SLC51A: variants seen among roughly 807,000 people sequenced by gnomAD.
SLC51A encodes the protein organic solute transporter subunit alpha.
SLC51A carries 22 observed loss-of-function variants against 34.8 expected under a neutral mutation model. The observed-to-expected ratio is 0.63, with a 90% CI of 0.45 to 0.90. The LOEUF is 0.90. SLC51A is among the 40% of genes least tolerant of loss of function. The pLI, the probability that SLC51A is intolerant of heterozygous loss-of-function variation, is 0.00. For synonymous variants in SLC51A, 181 were observed against 176.3 expected, an observed-to-expected ratio of 1.03 and a Z score of -0.21; for missense variants, 371 against 414.8, an observed-to-expected ratio of 0.89 and a Z score of 0.92.
chr3:196,218,678 G>A (rs574680798), intron 2 of SLC51A, among the ~76,000 whole-genome samples: 118 of 152,272 alleles, frequency 7.7e-4, no homozygotes, highest in African/African-American at 2.7e-3. Context: ...GCGTTTTGTC[G>A]CTCTGTTTCC....
chr3:196,219,747 C>T (rs116735912), intron 2 of SLC51A, among the ~76,000 whole-genome samples: 3,115 of 152,324 alleles, frequency 0.02, 42 homozygotes, highest in Non-Finnish European at 0.028. Flanking sequence ...CTGGAAGGTG[C>T]TACTGGCATC....
intron 7 of SLC51A, among the ~76,000 whole-genome samples, chr3:196,230,467 A>G (rs1227410398): frequency 6.7e-6 from 1 of 148,514 alleles, no homozygotes; most frequent in East Asian, 2.0e-4. Context: ...TTCTGCCTCC[A>G]TTATCTCGTT....
rs190705620 is a variant in SLC51A at position 196,219,956 on chromosome 3, T to G, written c.133+2020T>G. On this transcript the variant is annotated intron_variant, in intron 2 of 8. Transcript: ENST00000296327. Reference sequence around the variant, plus strand: ...CAAGGCTGTTCAGAACAGGCCATTCTGAGTCTGCTAGTCCAGCAAGCCTCG... The same window carrying G: ...CAAGGCTGTTCAGAACAGGCCATTCGGAGTCTGCTAGTCCAGCAAGCCTCG... 8.5e-5 allele frequency among the ~76,000 whole-genome samples: 13 copies of G among 152,392 alleles called. No homozygotes were observed. The South Asian group carries it at 1.2e-3, about 15-fold the overall frequency.
chr3:196,218,860 A>C (rs1380826411), intron 2 of SLC51A, among the ~76,000 whole-genome samples: 1 of 151,980 alleles, frequency 6.6e-6, no homozygotes, highest in African/African-American at 2.4e-5. Context: ...AAAAAAAAAA[A>C]AACATAGGTG....
intron 7 of SLC51A, among the ~76,000 whole-genome samples, chr3:196,230,495 TTC>T (rs1475606993): frequency 2.0e-5 from 3 of 151,100 alleles, no homozygotes; most frequent in Non-Finnish European, 4.4e-5. Flanking sequence ...CCCCTTGTGT[TTC>T]TGTGTGTCTT....
At chr3:196,227,205 T>C in intron 3 of SLC51A, 86 bp downstream of exon 3, 1 of 1,457,004 alleles carries the variant, frequency 6.9e-7, no homozygotes, top group Admixed American at 1.9e-5. Context: ...AGCACGTCAC[T>C]TCGGCAAAGA....
Position 196,228,338 on chromosome 3 carries a change from T to C in SLC51A, c.521+65T>C, listed in dbSNP as rs72611185. Reference sequence around the variant, plus strand: ...GCCTCTCCTGGACCCCTGGTCCCCTTCAAGGCTCTGGGAATTAGGCGTGAA... The same window carrying C: ...GCCTCTCCTGGACCCCTGGTCCCCTCCAAGGCTCTGGGAATTAGGCGTGAA... On this transcript the variant is annotated intron_variant, in intron 5 of 8. Transcript: ENST00000296327. This position sits in a 1 kb window ranked among gnomAD's most constrained non-coding sequence, Gnocchi z 4.9. The C allele has an allele frequency of 0.32, 494,236 of 1,539,062 alleles. 85,148 individuals carry two copies. The highest frequency in any genetic ancestry group is 0.77 in the East Asian group (34,067 of 44,142).
In SLC51A at chr3:196,230,949, T is replaced by G. The variant is rs1347268147; in HGVS notation, c.780+888T>G. 3.9e-5 allele frequency among the ~76,000 whole-genome samples: 6 copies of G among 152,360 alleles called. No homozygotes were observed. The East Asian group carries it at 1.2e-3, about 29-fold the overall frequency. On this transcript the variant is annotated intron_variant, in intron 7 of 8. Transcript: ENST00000296327. ...AGCTTTTTGGGGACACAATTTAACC[T>G]GTAACACGTGTGTTAGTTAACAAAC... is the stretch of plus-strand genomic sequence containing the variant.
Position 196,228,141 on chromosome 3 carries a change from T to C in SLC51A, c.389T>C (p.Leu130Pro). 6.2e-7 allele frequency: 1 copy of C among 1,614,138 alleles called. No homozygotes were observed. Among genetic ancestry groups the C allele is most frequent in the Non-Finnish European group, 8.5e-7 (1 of 1,179,992 alleles). ...TTTTATGCCGTGTGCTTTTACCTGC[T>C]GATGCTGGTCATGGTGGAAGGCTTT... ...TSFYAVCFYL[L>P]MLVMVEGFGG... Residue 130 changes from leucine (L) to proline (P), a missense_variant, in exon 5 of 9, where the codon CTG becomes CCG. Leu to Pro is a moderately conservative substitution (Grantham distance 98, BLOSUM62 -3). Transcript: ENST00000296327. The surrounding 1 kb of genome is among the most constrained non-coding windows in gnomAD (Gnocchi z 4.9).
intron 7 of SLC51A, among the ~76,000 whole-genome samples, chr3:196,230,487 C>G (rs1015808445): frequency 6.6e-6 from 1 of 151,720 alleles, no homozygotes; most frequent in African/African-American, 2.4e-5. Flanking sequence ...TATATTCTCC[C>G]CTTGTGTTTC....
At position 196,223,446 on chromosome 3, in the gene SLC51A, G is replaced by A. The variant is rs577005933; in HGVS notation, c.134-3519G>A. ...GATGTGGGCGGAAGGAGGACATAAC[G>A]TTACCCGGAATGGAGATTTTCACGG... On this transcript the variant is annotated intron_variant, in intron 2 of 8. Coordinates refer to ENST00000296327, the MANE Select transcript of SLC51A (RefSeq NM_152672.6). 2.0e-5 allele frequency among the ~76,000 whole-genome samples: 3 copies of A among 151,842 alleles called. 1 individual carries two copies. Among genetic ancestry groups the A allele is most frequent in the African/African-American group, 7.2e-5 (3 of 41,506 alleles).
intron 2 of SLC51A, among the ~76,000 whole-genome samples, chr3:196,226,232 G>A (rs1014873383): frequency 1.1e-4 from 16 of 152,146 alleles, no homozygotes; most frequent in Non-Finnish European, 1.6e-4. Flanking sequence ...TGAGGTTGGA[G>A]GATGGTTTGA....
At position 196,228,889 on chromosome 3, in the gene SLC51A, T is replaced by C; in HGVS notation, c.602T>C (p.Leu201Pro). Residue 201 changes from leucine to proline, a missense_variant, in exon 6 of 9, where the codon CTC (leucine) becomes CCC (proline). Coordinates refer to ENST00000296327, the MANE Select transcript of SLC51A (RefSeq NM_152672.6). The surrounding 1 kb of genome is among the most constrained non-coding windows in gnomAD (Gnocchi z 4.9). Reference sequence around the variant, plus strand: ...ACGCTGACCCTGGTGGGCCTGTTTCTCGTCCCCGACGGCATCTATGACCCA... The same window carrying C: ...ACGCTGACCCTGGTGGGCCTGTTTCCCGTCCCCGACGGCATCTATGACCCA... ...KITLTLVGLF[L>P]VPDGIYDPAD... 2.5e-6 allele frequency: 4 copies of C among 1,614,152 alleles called. No homozygotes were observed. Among genetic ancestry groups the C allele is most frequent in the Non-Finnish European group, 3.4e-6 (4 of 1,180,002 alleles).
chr3:196,232,103 C>T (rs955054964), intron 7 of SLC51A, among the ~76,000 whole-genome samples: 1 of 152,210 alleles, frequency 6.6e-6, no homozygotes, highest in African/African-American at 2.4e-5. Context: ...TCTAATCACC[C>T]ATCTCTTTAT....
intron 2 of SLC51A, among the ~76,000 whole-genome samples, chr3:196,221,991 G>T (rs956409270): frequency 8.6e-5 from 13 of 151,942 alleles, no homozygotes; most frequent in Middle Eastern, 3.4e-3. Context: ...GTGCTGGGAT[G>T]ACAGGCGTGA....
chr3:196,217,922 C>G lies in SLC51A; in HGVS notation c.119C>G (p.Ala40Gly). 6.2e-7 allele frequency: 1 copy of G among 1,612,838 alleles called. No individual in the cohort carries two copies. The highest frequency in any genetic ancestry group is 8.5e-7 in the Non-Finnish European group (1 of 1,179,440). The change falls in exon 2 of 9, where the codon GCC (alanine) becomes GGC (glycine). Residue 40 changes from alanine (A) to glycine (G), a missense_variant. Ala to Gly is a moderately conservative substitution (Grantham distance 60, BLOSUM62 0). Coordinates refer to ENST00000296327, the MANE Select transcript of SLC51A (RefSeq NM_152672.6). ...TGCTTCTCTCAGCCTCCCACAGCAG[C>G]CCAACTCCTGAGAGGTGAGTGGGGA... ...SACFSQPPTA[A>G]QLLRALGPVE...
chr3:196,219,641 T>C (rs1043720670), intron 2 of SLC51A, among the ~76,000 whole-genome samples: 1 of 152,180 alleles, frequency 6.6e-6, no homozygotes, highest in Non-Finnish European at 1.5e-5. Context: ...GAACCTCCTG[T>C]TGAGAGAGTG....
intron 8 of SLC51A, 157 bp downstream of exon 8, chr3:196,232,681 T>A: frequency 1.6e-6 from 1 of 636,954 alleles, no homozygotes; most frequent in Non-Finnish European, 2.8e-6. Flanking sequence ...TTAAGGAAAC[T>A]ATGACCTCTC....
rs566440709 is a variant in SLC51A, at chr3:196,229,022, A to C, written c.633+102A>C. 3.1e-6 allele frequency: 3 copies of C among 980,176 alleles called. No individual in the cohort carries two copies. In the East Asian group the frequency reaches 7.4e-5, roughly 24 times the overall value. 60.7% of individuals were successfully genotyped at this position (980,176 alleles called of 1,614,324 possible). ...AACACCCCTTGACAGAGGGCCCCAG[A>C]AAAGGGTGGCTGTGGGAAAACAGAG... On this transcript the variant is annotated intron_variant, in intron 6 of 8. Transcript: ENST00000296327.
Sources: allele counts gnomAD v4.1 joint callset (sites outside exome capture counted in the v4.1 genomes callset), GRCh38; gene constraint gnomAD v4.1.1; non-coding constraint Gnocchi (gnomAD v3.1); transcripts MANE v1.5; gene names NCBI Gene and HGNC (gene_info 2026-07-23, HGNC 2026-07-21).